PLEKHB1: variants seen among roughly 807,000 people sequenced by gnomAD.
The protein encoded by PLEKHB1 is pleckstrin homology domain containing B1, also known as pleckstrin homology domain-containing family B member 1.
In PLEKHB1, 29 loss-of-function variants were observed where a neutral mutation model predicts 36.2. The observed-to-expected ratio is 0.80, with a 90% CI of 0.60 to 1.09. PLEKHB1 has a LOEUF of 1.09. PLEKHB1 is among the 50% of genes least tolerant of loss of function. The probability of loss-of-function intolerance (pLI) is 0.00; values close to 1 mark genes in which losing one functional copy is unlikely to be tolerated. For missense variants in PLEKHB1, 330 were observed against 348.2 expected (o/e 0.95, Z 0.42); for synonymous variants, 138 against 140.0 (o/e 0.99, Z 0.10).
At chr11:73,651,120 G>A (rs1189342167) in intron 3 of PLEKHB1, among the ~76,000 whole-genome samples, 1 of 151,740 alleles carries the variant, frequency 6.6e-6, no homozygotes, top group African/African-American at 2.4e-5. Flanking sequence ...ACTTTGAGAG[G>A]CATGTAGATT....
intron 1 of PLEKHB1, 50 bp from the exon 2 acceptor site, chr11:73,648,962 C>T (rs1944826127): frequency 6.4e-7 from 1 of 1,555,890 alleles, no homozygotes; most frequent in Non-Finnish European, 8.7e-7. Flanking sequence ...GGGGGCTTCT[C>T]TCCAGGGAGC....
At chr11:73,648,132 T>C (rs979612794) in intron 1 of PLEKHB1, 2 of 240,480 alleles carry the variant, frequency 8.3e-6, no homozygotes, top group Non-Finnish European at 1.3e-5. Context: ...TAGCTGTACA[T>C]TGGAATCATC....
rs754452338 is a variant in PLEKHB1, at chr11:73,661,624, A to T, written c.*22A>T. 116 of 1,546,996 alleles carry T rather than the reference A, an allele frequency of 7.5e-5. No homozygotes were observed. Among genetic ancestry groups the T allele is most frequent in the Non-Finnish European group, 9.7e-5 (112 of 1,149,878 alleles). ...CTGAGCCCTGGGACTCGGAGCACTGACCCCTGCGCTTGGATTGCTAGACTC... is the reference window on the plus strand; with the variant it reads ...CTGAGCCCTGGGACTCGGAGCACTGTCCCCTGCGCTTGGATTGCTAGACTC... On this transcript the variant is annotated 3_prime_UTR_variant, in exon 8 of 8. Coordinates refer to ENST00000354190, the MANE Select transcript of PLEKHB1 (RefSeq NM_021200.3). This position sits in a 1 kb window ranked among gnomAD's most constrained non-coding sequence, Gnocchi z 4.6.
intron 1 of PLEKHB1, 67 bp from the exon 2 acceptor site, chr11:73,648,945 C>A: frequency 1.3e-6 from 2 of 1,537,058 alleles, no homozygotes; most frequent in Non-Finnish European, 1.8e-6. Context: ...CCAGGGACGG[C>A]AGGGCTGGGG....
Position 73,661,743 on chromosome 11 carries a change from C to G in PLEKHB1, c.*141C>G, listed in dbSNP as rs1945129529. 1.9e-6 allele frequency: 2 copies of G among 1,045,090 alleles called. No homozygotes were observed. Among genetic ancestry groups the G allele is most frequent in the East Asian group, 5.3e-5 (2 of 38,006 alleles). 64.7% of individuals were successfully genotyped at this position (1,045,090 alleles called of 1,614,324 possible). ...GCTCCTTCCGGGTTTGGACCATTCC[C>G]CCCACTCCCTACCCTTAATCCCCAC... is the stretch of plus-strand genomic sequence containing the variant. On this transcript the variant is annotated 3_prime_UTR_variant, in exon 8 of 8. Transcript: ENST00000354190. This position sits in a 1 kb window ranked among gnomAD's most constrained non-coding sequence, Gnocchi z 4.6.
Position 73,655,908 on chromosome 11 carries a change from G to GT in PLEKHB1, c.495+2dup, listed in dbSNP as rs1565332031. ...CTGTAAGGTTGAGAGGCGGATCTGG[G>GT]TAAGTGCTGGCTCGGCCCTCCCTGC... On this transcript the variant is annotated splice_donor_variant, in intron 6 of 7. Coordinates refer to ENST00000354190, the MANE Select transcript of PLEKHB1 (RefSeq NM_021200.3). LOFTEE classifies it high-confidence loss of function. 1 of 1,613,568 alleles carries GT rather than the reference G, an allele frequency of 6.2e-7. No homozygotes were observed. Among genetic ancestry groups the GT allele is most frequent in the Non-Finnish European group, 8.5e-7 (1 of 1,179,718 alleles).
Position 73,649,007 on chromosome 11 carries a change from G to T in PLEKHB1, c.19-5G>T. Reference sequence around the variant, plus strand: ...GGCCTGTGTCTCCCGTGGCTCCTCTGACAGGTCCCGCCTGACTCCGCTCTG... The same window carrying T: ...GGCCTGTGTCTCCCGTGGCTCCTCTTACAGGTCCCGCCTGACTCCGCTCTG... On this transcript the variant is annotated splice_region_variant and splice_polypyrimidine_tract_variant and intron_variant, in intron 1 of 7. Transcript: ENST00000354190. 1 of 1,588,194 alleles carries T rather than the reference G, an allele frequency of 6.3e-7. No homozygotes were observed. Among genetic ancestry groups the T allele is most frequent in the South Asian group, 1.1e-5 (1 of 86,982 alleles).
In PLEKHB1 at chr11:73,661,562, C is replaced by A. The variant is rs1945123649; in HGVS notation, c.692C>A (p.Ala231Glu). 3 of 1,607,152 alleles carry A rather than the reference C, an allele frequency of 1.9e-6. No homozygotes were observed. Among genetic ancestry groups the A allele is most frequent in the African/African-American group, 2.7e-5 (2 of 74,740 alleles). Reference sequence around the variant, plus strand: ...ATGCTTGCGGGAGCCGCCACTGGGGCGGCGCTGGGCTCGCTCATGTGGTCG... The same window carrying A: ...ATGCTTGCGGGAGCCGCCACTGGGGAGGCGCTGGGCTCGCTCATGTGGTCG... ...MGMLAGAATG[A>E]ALGSLMWSPC... Residue 231 changes from alanine to glutamate, a missense_variant, in exon 8 of 8, where the codon GCG (alanine) becomes GAG (glutamate). Coordinates refer to ENST00000354190, the MANE Select transcript of PLEKHB1 (RefSeq NM_021200.3). This position sits in a 1 kb window ranked among gnomAD's most constrained non-coding sequence, Gnocchi z 4.6.
At chr11:73,654,267 G>A (rs1055345531) in intron 5 of PLEKHB1, among the ~76,000 whole-genome samples, 1 of 152,214 alleles carries the variant, frequency 6.6e-6, no homozygotes, top group Non-Finnish European at 1.5e-5. Context: ...GCCCAGCTTG[G>A]CCTCCACCCC....
At chr11:73,654,613 CT>C (rs1944958274) in intron 5 of PLEKHB1, among the ~76,000 whole-genome samples, 1 of 152,158 alleles carries the variant, frequency 6.6e-6, no homozygotes, top group African/African-American at 2.4e-5. Flanking sequence ...ACCATGGAAC[CT>C]AGGTCAGTGA....
chr11:73,661,580 T>C lies in PLEKHB1; in HGVS notation c.710T>C (p.Met237Thr), dbSNP rs965548836. The change falls in exon 8 of 8, where the codon ATG (methionine) becomes ACG (threonine). Residue 237 changes from methionine to threonine, a missense_variant. By Grantham distance (81) the Met-to-Thr change is moderately conservative. Transcript: ENST00000354190. This position sits in a 1 kb window ranked among gnomAD's most constrained non-coding sequence, Gnocchi z 4.6. ...ACTGGGGCGGCGCTGGGCTCGCTCA[T>C]GTGGTCGCCCTGCTGGTTCTGAGCC... is the stretch of plus-strand genomic sequence containing the variant. ...AATGAALGSL[M>T]WSPCWF The C allele has an allele frequency of 2.5e-6, 4 of 1,599,700 alleles. No homozygotes were observed. The highest frequency in any genetic ancestry group is 2.6e-6 in the Non-Finnish European group (3 of 1,173,204).
chr11:73,649,463 T>C (rs1944843462), intron 2 of PLEKHB1, among the ~76,000 whole-genome samples: 1 of 152,130 alleles, frequency 6.6e-6, no homozygotes, highest in Non-Finnish European at 1.5e-5. Flanking sequence ...GACCCCAGAC[T>C]GGCCCCAGTC....
In PLEKHB1 at chr11:73,662,147, G is replaced by A. The variant is rs993885119; in HGVS notation, c.*545G>A. Reference sequence around the variant, plus strand: ...TCATGGCATGTCCAAGGAATTAAATGGGAGTTCATTTGGGCTGGGGTGGAG... The same window carrying A: ...TCATGGCATGTCCAAGGAATTAAATAGGAGTTCATTTGGGCTGGGGTGGAG... On this transcript the variant is annotated 3_prime_UTR_variant, in exon 8 of 8. Coordinates refer to ENST00000354190, the MANE Select transcript of PLEKHB1 (RefSeq NM_021200.3). The A allele has an allele frequency of 2.0e-5, 3 of 152,640 alleles. No individual in the cohort carries two copies. Among genetic ancestry groups the A allele is most frequent in the African/African-American group, 7.2e-5 (3 of 41,430 alleles). 9.5% of individuals were successfully genotyped at this position (152,640 alleles called of 1,614,324 possible). A position where few individuals can be genotyped will look rare whatever the true frequency, so the allele number is the denominator to read the frequency against.
intron 7 of PLEKHB1, 25 bp downstream of exon 7, chr11:73,660,877 C>A: frequency 6.4e-7 from 1 of 1,558,510 alleles, no homozygotes; most frequent in Non-Finnish European, 8.7e-7. Context: ...TGCCCCGGGG[C>A]TTGCCTCGAT....
chr11:73,647,775 T>C (rs916938528), intron 1 of PLEKHB1: 1 of 984,184 alleles, frequency 1.0e-6, no homozygotes, highest in African/African-American at 1.7e-5. Context: ...AAAAGGAGTC[T>C]GCACCTGACC....
rs780732430 is a variant in PLEKHB1 at position 73,660,849 on chromosome 11, G to A, written c.592G>A (p.Ala198Thr). The A allele has an allele frequency of 6.3e-7, 1 of 1,583,776 alleles. No homozygotes were observed. Among genetic ancestry groups the A allele is most frequent in the Non-Finnish European group, 8.6e-7 (1 of 1,167,870 alleles). The change falls in exon 7 of 8, where the codon GCA becomes ACA. Residue 198 changes from alanine to threonine, a missense_variant. By Grantham distance (58) the Ala-to-Thr change is moderately conservative (BLOSUM62 0). Coordinates refer to ENST00000354190, the MANE Select transcript of PLEKHB1 (RefSeq NM_021200.3). ...CCGCAGCTACTACGGACCGCCCTACGCAGGTAAGTCTCCAGCGTGCCCCGG... is the reference window on the plus strand; with the variant it reads ...CCGCAGCTACTACGGACCGCCCTACACAGGTAAGTCTCCAGCGTGCCCCGG... ...YVRSYYGPPY[A>T]GPGVTHVIVR...
intron 6 of PLEKHB1, among the ~76,000 whole-genome samples, chr11:73,657,646 G>A (rs529379300): frequency 6.6e-6 from 1 of 152,320 alleles, no homozygotes; most frequent in South Asian, 2.1e-4. Flanking sequence ...GGGATATGGG[G>A]TGCTCCACCC....
chr11:73,652,900 A>G (rs1590793697), intron 4 of PLEKHB1, 75 bp from the exon 5 acceptor site: 2 of 1,307,344 alleles, frequency 1.5e-6, no homozygotes, highest in South Asian at 2.7e-5. Context: ...TTGGAGAGGA[A>G]AGTCTAAAAT....
chr11:73,653,283 A>G (rs1328134870), intron 5 of PLEKHB1: 1 of 665,530 alleles, frequency 1.5e-6, no homozygotes, highest in African/African-American at 1.8e-5. Context: ...TCGAGCAACT[A>G]TTATGTGCCA....
Sources: allele counts gnomAD v4.1 joint callset (sites outside exome capture counted in the v4.1 genomes callset), GRCh38; gene constraint gnomAD v4.1.1; non-coding constraint Gnocchi (gnomAD v3.1); transcripts MANE v1.5; gene names NCBI Gene and HGNC (gene_info 2026-07-23, HGNC 2026-07-21).